The following EPHA3 variants were observed in gnomAD, a reference collection of about 807,000 sequenced individuals.
EPHA3 encodes EPH receptor A3.
A neutral mutation model predicts 107.1 loss-of-function variants in EPHA3; 42 were observed. The observed-to-expected ratio is 0.39, with a 90% confidence interval of 0.31 to 0.51. The LOEUF (loss-of-function observed/expected upper bound fraction) is 0.51. Ranked by LOEUF, EPHA3 falls within the 20% of genes least tolerant of loss-of-function variation. EPHA3 has a pLI of 0.78. For synonymous variants in EPHA3, 461 were observed against 424.8 expected, an observed-to-expected ratio of 1.09 and a Z score of -1.05; for missense variants, 1,183 against 1,211.2, an observed-to-expected ratio of 0.98 and a Z score of 0.35.
In EPHA3 at chr3:89,353,912, G is replaced by A. The variant is rs372812819; in HGVS notation, c.1306+11822G>A. 2.0e-5 allele frequency among the ~76,000 whole-genome samples: 3 copies of A among 151,222 alleles called. No homozygotes were observed. In the East Asian group the frequency reaches 5.8e-4, roughly 29 times the overall value. ...GGTTTTATATACGACTCTAATTAATGGAGAAGACATGTACGTGGAAGGGTA... is the reference window on the plus strand; with the variant it reads ...GGTTTTATATACGACTCTAATTAATAGAGAAGACATGTACGTGGAAGGGTA... On this transcript the variant is annotated intron_variant, in intron 5 of 16. Coordinates refer to ENST00000336596, the MANE Select transcript of EPHA3 (RefSeq NM_005233.6).
intron 5 of EPHA3, among the ~76,000 whole-genome samples, chr3:89,387,638 G>A (rs924736347): frequency 1.3e-5 from 2 of 151,144 alleles, no homozygotes; most frequent in African/African-American, 4.9e-5. Flanking sequence ...TATATCATAT[G>A]TATGAAGATT....
In EPHA3 at chr3:89,430,643, G is replaced by T. The variant is rs1159717254; in HGVS notation, c.2137-507G>T. On this transcript the variant is annotated intron_variant, in intron 12 of 16. Coordinates refer to ENST00000336596, the MANE Select transcript of EPHA3 (RefSeq NM_005233.6). ...TTTTGTGACTACAATTCAGAAGTGG[G>T]TAGAAAAACAAATATCCAATAAATA... Among the ~76,000 whole-genome samples, 11 of 152,168 alleles carry T rather than the reference G, an allele frequency of 7.2e-5. No homozygotes were observed. In the South Asian group the frequency reaches 1.9e-3, roughly 26 times the overall value.
chr3:89,399,744 T>C, intron 7 of EPHA3: 1 of 1,182,834 alleles, frequency 8.5e-7, no homozygotes, highest in Non-Finnish European at 1.0e-6. Flanking sequence ...TTTTTAGCCA[T>C]AAATTGCTTT....
intron 5 of EPHA3, among the ~76,000 whole-genome samples, chr3:89,389,407 T>A (rs768801707): frequency 6.6e-6 from 1 of 152,190 alleles, no homozygotes; most frequent in Non-Finnish European, 1.5e-5. Flanking sequence ...CTGCATATAT[T>A]TTCCCATGGA....
intron 3 of EPHA3, among the ~76,000 whole-genome samples, chr3:89,254,335 G>A (rs1050856375): frequency 1.3e-5 from 2 of 152,106 alleles, no homozygotes; most frequent in Non-Finnish European, 2.9e-5. Context: ...TTACTTCTGT[G>A]ATTAGCATTA....
intron 3 of EPHA3, among the ~76,000 whole-genome samples, chr3:89,316,138 T>C (rs1421032716): frequency 6.6e-6 from 1 of 151,736 alleles, no homozygotes; most frequent in Non-Finnish European, 1.5e-5. Flanking sequence ...TCATCAGTGC[T>C]GTTTCAAATA....
At chr3:89,269,397 T>C (rs1202054855) in intron 3 of EPHA3, among the ~76,000 whole-genome samples, 1 of 152,022 alleles carries the variant, frequency 6.6e-6, no homozygotes, top group African/African-American at 2.4e-5. Flanking sequence ...CCAGACTGAG[T>C]TAAAAGCTTG....
At chr3:89,449,520 C>A (rs2107553999) in intron 14 of EPHA3, 146 bp downstream of exon 14, 2 of 626,488 alleles carry the variant, frequency 3.2e-6, no homozygotes, top group East Asian at 6.1e-5. Flanking sequence ...CCAAGTCTTG[C>A]AAGGATATTA....
At chr3:89,332,650 G>A (rs548601766) in intron 3 of EPHA3, among the ~76,000 whole-genome samples, 5 of 152,274 alleles carry the variant, frequency 3.3e-5, no homozygotes, top group East Asian at 1.9e-4. Context: ...CTCATTTTGG[G>A]CATAAACAGT....
intron 13 of EPHA3, among the ~76,000 whole-genome samples, chr3:89,440,717 ACT>A (rs1295193740): frequency 6.6e-6 from 1 of 152,190 alleles, no homozygotes; most frequent in Non-Finnish European, 1.5e-5. Flanking sequence ...AAGGTTTTAG[ACT>A]CTCAACTAAT....
In EPHA3 at chr3:89,211,999, A is replaced by G. The variant is rs1281155723; in HGVS notation, c.814+1479A>G. ...AGAATCGCATGCCAAACAAACTCCA[A>G]GAAGCACCAGGAAGGTAAAGAGTAC... On this transcript the variant is annotated intron_variant, in intron 3 of 16. Coordinates refer to ENST00000336596, the MANE Select transcript of EPHA3 (RefSeq NM_005233.6). Among the ~76,000 whole-genome samples, 4 of 151,956 alleles carry G rather than the reference A, an allele frequency of 2.6e-5. No individual in the cohort carries two copies. In the South Asian group the frequency reaches 6.2e-4, roughly 24 times the overall value.
intron 13 of EPHA3, among the ~76,000 whole-genome samples, chr3:89,442,763 G>T (rs945659110): frequency 1.3e-5 from 2 of 152,120 alleles, no homozygotes; most frequent in African/African-American, 2.4e-5. Context: ...TACACCATTT[G>T]TGAAAAAATG....
chr3:89,370,684 T>C (rs1307675564), intron 5 of EPHA3, among the ~76,000 whole-genome samples: 3 of 150,890 alleles, frequency 2.0e-5, no homozygotes, highest in African/African-American at 7.3e-5. Context: ...ACAAAATACA[T>C]TAGTTGTATA....
chr3:89,406,618 C>A (rs1333343004), intron 7 of EPHA3, among the ~76,000 whole-genome samples: 2 of 152,122 alleles, frequency 1.3e-5, no homozygotes, highest in Non-Finnish European at 2.9e-5. Flanking sequence ...GTCATGAAAT[C>A]TCATTCTTTT....
chr3:89,390,785 A>ACTTT (rs777460537), intron 5 of EPHA3, among the ~76,000 whole-genome samples: 1 of 132,106 alleles, frequency 7.6e-6, no homozygotes, highest in African/African-American at 2.8e-5. Flanking sequence ...ATTGAAAAGC[A>ACTTT]TTTTTTTTTT....
intron 7 of EPHA3, chr3:89,399,701 A>T (rs1472745642): frequency 2.4e-6 from 3 of 1,243,570 alleles, no homozygotes; most frequent in African/African-American, 3.1e-5. Context: ...CAAATCAAAC[A>T]TATTCTAATG....
At chr3:89,166,140 C>T (rs1576198054) in intron 2 of EPHA3, among the ~76,000 whole-genome samples, 1 of 152,202 alleles carries the variant, frequency 6.6e-6, no homozygotes, top group East Asian at 1.9e-4. Flanking sequence ...GGTTCTCAGC[C>T]TAAACGTCCG....
At chr3:89,433,445 A>T (rs1236503488) in intron 13 of EPHA3, among the ~76,000 whole-genome samples, 2 of 152,186 alleles carry the variant, frequency 1.3e-5, no homozygotes, top group Non-Finnish European at 2.9e-5. Context: ...GCAATAATAG[A>T]ACCACTGAAT....
intron 2 of EPHA3, among the ~76,000 whole-genome samples, chr3:89,132,235 A>G (rs771096465): frequency 3.3e-5 from 5 of 152,204 alleles, no homozygotes; most frequent in Non-Finnish European, 5.9e-5. Context: ...AGAAGCCAGC[A>G]TGGAACCTTG....
Sources: gnomAD v4.1 joint callset for allele counts (sites outside exome capture counted in the v4.1 genomes callset) on GRCh38, gnomAD v4.1.1 for gene constraint, MANE v1.5 for transcripts, NCBI Gene and HGNC (gene_info 2026-07-23, HGNC 2026-07-21) for gene names.